C1QTNF8: variants seen among roughly 807,000 people sequenced by gnomAD.
C1QTNF8 encodes the protein C1q and TNF related 8, also known as complement C1q tumor necrosis factor-related protein 8.
In C1QTNF8, 27 loss-of-function variants were observed where a neutral mutation model predicts 19.2. That is an observed-to-expected ratio of 1.41 (90% CI 1.04 to 1.94). C1QTNF8 has a LOEUF of 1.94. Among genes scored for constraint, C1QTNF8 ranks in the 30% most tolerant of loss-of-function variants. The pLI is 0.00. For synonymous variants in C1QTNF8, 208 were observed against 172.8 expected (o/e 1.20, Z -1.60); for missense variants, 484 against 374.4 (o/e 1.29, Z -2.42).
rs966075747 is a variant in C1QTNF8, at chr16:1,090,121, G to C, written c.*478C>G. The C allele has an allele frequency of 6.6e-6, 1 of 152,472 alleles. No homozygotes were observed. Among genetic ancestry groups the C allele is most frequent in the African/African-American group, 2.4e-5 (1 of 41,458 alleles). The allele number at this position is 152,472 out of a possible 1,614,324, so 9.4% of individuals were successfully genotyped here. A position where few individuals can be genotyped will look rare whatever the true frequency, so the allele number is the denominator to read the frequency against. ...ACCGGCCCCAGCCCCTCCTGTCCTTGGTTGTCACCACACTTCCAGAAGCCC... is the reference window on the plus strand; with the variant it reads ...ACCGGCCCCAGCCCCTCCTGTCCTTCGTTGTCACCACACTTCCAGAAGCCC... On this transcript the variant is annotated 3_prime_UTR_variant, in exon 5 of 5. Coordinates refer to ENST00000328449, the MANE Select transcript of C1QTNF8 (RefSeq NM_207419.3).
At chr16:1,091,776 A>G (rs1466889652) in intron 4 of C1QTNF8, among the ~76,000 whole-genome samples, 1 of 150,766 alleles carries the variant, frequency 6.6e-6, no homozygotes, top group Non-Finnish European at 1.5e-5. Context: ...TGAGCCCCCA[A>G]AACTGACCCC....
chr16:1,090,533 G>A lies in C1QTNF8; in HGVS notation c.*66C>T, dbSNP rs1357185990. ...CCCTCTGTCCCAGGACAGGAGTGAG[G>A]CGAAGTGGAGAGGCGGGCGCGCCAG... On this transcript the variant is annotated 3_prime_UTR_variant, in exon 5 of 5. Coordinates refer to ENST00000328449, the MANE Select transcript of C1QTNF8 (RefSeq NM_207419.3). 1 of 152,392 alleles carries A rather than the reference G, an allele frequency of 6.6e-6. No homozygotes were observed. The highest frequency in any genetic ancestry group is 1.5e-5 in the Non-Finnish European group (1 of 68,176). 9.4% of individuals were successfully genotyped at this position (152,392 alleles called of 1,614,324 possible). A position where few individuals can be genotyped will look rare whatever the true frequency, so the allele number is the denominator to read the frequency against.
rs1960683831 is a variant in C1QTNF8 at position 1,096,211 on chromosome 16, A to G, written c.-241T>C. 6.6e-6 allele frequency: 1 copy of G among 152,432 alleles called. No homozygotes were observed. Among genetic ancestry groups the G allele is most frequent in the Non-Finnish European group, 1.5e-5 (1 of 68,194 alleles). 9.4% of individuals were successfully genotyped at this position (152,432 alleles called of 1,614,324 possible). A position where few individuals can be genotyped will look rare whatever the true frequency, so the allele number is the denominator to read the frequency against. Reference sequence around the variant, plus strand: ...AACCCAGCCGTCAAAGAGCCCTTTCATGCCCGCCTGGGCGCCCGTGGCTTC... The same window carrying G: ...AACCCAGCCGTCAAAGAGCCCTTTCGTGCCCGCCTGGGCGCCCGTGGCTTC... On this transcript the variant is annotated 5_prime_UTR_variant, in exon 1 of 5. An upstream start codon of the reference 5' UTR is lost. Transcript: ENST00000328449.
rs536775061 is a variant in C1QTNF8 at position 1,094,027 on chromosome 16, C to G, written c.233G>C (p.Arg78Pro). The change falls in exon 4 of 5, where the codon CGA becomes CCA. Residue 78 changes from arginine to proline, a missense_variant. By Grantham distance (103) the Arg-to-Pro change is moderately radical. Coordinates refer to ENST00000328449, the MANE Select transcript of C1QTNF8 (RefSeq NM_207419.3). ...LKGEKGEAGVRGRAGRSGKEG... is the reference protein window; with the variant it reads ...LKGEKGEAGVPGRAGRSGKEG... ...TTTCCCGCTCCTGCCGGCCCGACCT[C>G]GGACGCCGGCCTCACCCTTCTCACC... is the stretch of plus-strand genomic sequence containing the variant. The G allele has an allele frequency of 1.4e-6, 2 of 1,473,980 alleles. No individual in the cohort carries two copies. Among genetic ancestry groups the G allele is most frequent in the Non-Finnish European group, 1.8e-6 (2 of 1,129,704 alleles). 91.3% of individuals were successfully genotyped at this position (1,473,980 alleles called of 1,614,324 possible).
rs1250611434 is a variant in C1QTNF8, at chr16:1,090,377, C to G, written c.*222G>C. On this transcript the variant is annotated 3_prime_UTR_variant, in exon 5 of 5. Transcript: ENST00000328449. ...CAAATGGCGGGCCCCTGTAGCCGCC[C>G]CTCCTCCTGTCCTGCGCTGTTGGGG... is the stretch of plus-strand genomic sequence containing the variant. 1.3e-5 allele frequency: 2 copies of G among 152,332 alleles called. No individual in the cohort carries two copies. Among genetic ancestry groups the G allele is most frequent in the Non-Finnish European group, 2.9e-5 (2 of 68,158 alleles). 9.4% of individuals were successfully genotyped at this position (152,332 alleles called of 1,614,324 possible). A position where few individuals can be genotyped will look rare whatever the true frequency, so the allele number is the denominator to read the frequency against.
In C1QTNF8 at chr16:1,088,578, C is replaced by T. The variant is rs547708965; in HGVS notation, c.*2021G>A. Among the ~76,000 whole-genome samples the T allele has an allele frequency of 2.0e-5, 3 of 152,324 alleles. No individual in the cohort carries two copies. Among genetic ancestry groups the T allele is most frequent in the South Asian group, 2.1e-4 (1 of 4,824 alleles). ...AGGCTTTTATCACTTGGCAGAGAAT[C>T]GTGACCGTATCTTATCTCACTTTCA... On this transcript the variant is annotated 3_prime_UTR_variant, in exon 5 of 5. Transcript: ENST00000328449.
In C1QTNF8 at chr16:1,093,690, G is replaced by A. The variant is rs1164937523; in HGVS notation, c.570C>T (p.Ala190=). The A allele has an allele frequency of 6.8e-6, 11 of 1,612,184 alleles. No individual in the cohort carries two copies. Among genetic ancestry groups the A allele is most frequent in the African/African-American group, 4.0e-5 (3 of 75,028 alleles). ...GCTCGCTGGGCTGCGCGTAGAGCAC[G>A]GCCGCGGGCCGCCGGTTCAGCATGA... ...LHIMLNRRPA[A]VLYAQPSERS... is the part of the protein sequence containing the mutation. The change falls in exon 4 of 5, where the codon GCC becomes GCT. Residue 190 remains alanine, a synonymous_variant. Transcript: ENST00000328449.
At chr16:1,093,130 G>A (rs1316435348) in intron 4 of C1QTNF8, among the ~76,000 whole-genome samples, 2 of 143,042 alleles carry the variant, frequency 1.4e-5, no homozygotes, top group Non-Finnish European at 3.1e-5. Flanking sequence ...CACACAGTCG[G>A]TGCTCAACAA....
At chr16:1,092,513 G>A (rs1781368852) in intron 4 of C1QTNF8, among the ~76,000 whole-genome samples, 2 of 135,670 alleles carry the variant, frequency 1.5e-5, no homozygotes, top group African/African-American at 5.8e-5. Context: ...GCACACAGTC[G>A]GCGCTCAACC....
At position 1,093,668 on chromosome 16, in the gene C1QTNF8, C is replaced by CGCTGGGCTGCGCGT; in HGVS notation, c.578_591dup (p.Glu198ThrfsTer15). 1 of 1,611,852 alleles carries CGCTGGGCTGCGCGT rather than the reference C, an allele frequency of 6.2e-7. No homozygotes were observed. Among genetic ancestry groups the CGCTGGGCTGCGCGT allele is most frequent in the Non-Finnish European group, 8.5e-7 (1 of 1,179,522 alleles). On this transcript the variant is annotated frameshift_variant, in exon 4 of 5. Coordinates refer to ENST00000328449, the MANE Select transcript of C1QTNF8 (RefSeq NM_207419.3). LOFTEE classifies it high-confidence loss of function. Reference sequence around the variant, plus strand: ...CTCTGGGCCTGCATGACGCTGCGCTCGCTGGGCTGCGCGTAGAGCACGGCC... The same window carrying CGCTGGGCTGCGCGT: ...CTCTGGGCCTGCATGACGCTGCGCTCGCTGGGCTGCGCGTGCTGGGCTGCGCGTAGAGCACGGCC...
At chr16:1,095,880 C>T (rs960330125) in intron 1 of C1QTNF8, 92 bp from the exon 2 acceptor site, 2 of 152,336 alleles carry the variant, frequency 1.3e-5, no homozygotes, top group African/African-American at 2.4e-5. Context: ...CCCTGACTCA[C>T]CCCCTGGCCC....
Position 1,094,709 on chromosome 16 carries a change from C to A in C1QTNF8, c.208+6G>T. 6.3e-7 allele frequency: 1 copy of A among 1,594,286 alleles called. No individual in the cohort carries two copies. The highest frequency in any genetic ancestry group is 8.5e-7 in the Non-Finnish European group (1 of 1,170,962). On this transcript the variant is annotated splice_donor_region_variant and intron_variant, in intron 3 of 4. Transcript: ENST00000328449. ...GGAGCATGCAGGCAGCACCCACGGG[C>A]CTCACCTTTGAGGATTTCGATGTCT...
rs1014902818 is a variant in C1QTNF8 at position 1,090,108 on chromosome 16, C to G, written c.*491G>C. On this transcript the variant is annotated 3_prime_UTR_variant, in exon 5 of 5. Transcript: ENST00000328449. The stretch of plus-strand genomic sequence containing the variant: ...ACCAGCCACGGCCACCGGCCCCAGC[C>G]CCTCCTGTCCTTGGTTGTCACCACA... 3.9e-5 allele frequency: 6 copies of G among 152,524 alleles called. No individual in the cohort carries two copies. The highest frequency in any genetic ancestry group is 8.8e-5 in the Non-Finnish European group (6 of 68,266). 9.4% of individuals were successfully genotyped at this position (152,524 alleles called of 1,614,324 possible). A position where few individuals can be genotyped will look rare whatever the true frequency, so the allele number is the denominator to read the frequency against.
rs367696352 is a variant in C1QTNF8 at position 1,093,804 on chromosome 16, G to A, written c.456C>T (p.Ala152=). 2 of 1,611,034 alleles carry A rather than the reference G, an allele frequency of 1.2e-6. No homozygotes were observed. Among genetic ancestry groups the A allele is most frequent in the East Asian group, 2.2e-5 (1 of 44,848 alleles). ...LVNLDGAFDL[A]AGRFLCTVPG... is the part of the protein sequence containing the mutation. ...GCACCGTGCAGAGGAAGCGGCCCGC[G>A]GCCAGGTCGAAGGCGCCGTCCAGGT... Residue 152 remains alanine (A), a synonymous_variant, in exon 4 of 5, where the codon GCC becomes GCT. Coordinates refer to ENST00000328449, the MANE Select transcript of C1QTNF8 (RefSeq NM_207419.3).
intron 3 of C1QTNF8, 118 bp from the exon 4 acceptor site, chr16:1,094,169 G>A: frequency 1.3e-6 from 1 of 788,084 alleles, no homozygotes; most frequent in Non-Finnish European, 1.8e-6. Context: ...CTCTTTGCAA[G>A]TGACGGCCCC....
chr16:1,094,395 C>A (rs574563527), intron 3 of C1QTNF8, among the ~76,000 whole-genome samples: 1 of 152,182 alleles, frequency 6.6e-6, no homozygotes, highest in South Asian at 2.1e-4. Flanking sequence ...ACAGCGCAGC[C>A]GTGTCAAGGG....
intron 4 of C1QTNF8, among the ~76,000 whole-genome samples, chr16:1,093,207 ACAGT>A (rs1960592930): frequency 6.8e-6 from 1 of 147,670 alleles, no homozygotes. Flanking sequence ...ATCACAGCAC[ACAGT>A]CGGCGCTCAA....
intron 2 of C1QTNF8, 67 bp from the exon 3 acceptor site, chr16:1,095,000 G>T: frequency 1.5e-6 from 1 of 672,204 alleles, no homozygotes; most frequent in Non-Finnish European, 2.2e-6. Flanking sequence ...CAGACCCTAC[G>T]GCAGCCCGGC....
At chr16:1,094,639 C>T in intron 3 of C1QTNF8, 76 bp downstream of exon 3, 1 of 1,291,964 alleles carries the variant, frequency 7.7e-7, no homozygotes, top group Non-Finnish European at 1.1e-6. Flanking sequence ...TCCTCCCAAG[C>T]CCCAGGTGCT....
Sources: allele counts gnomAD v4.1 joint callset (sites outside exome capture counted in the v4.1 genomes callset), GRCh38; gene constraint gnomAD v4.1.1; transcripts MANE v1.5; gene names NCBI Gene and HGNC (gene_info 2026-07-23, HGNC 2026-07-21).